Variants in CYYR1 observed in about 807,000 individuals in gnomAD.
CYYR1 encodes cysteine and tyrosine-rich protein 1.
In CYYR1, 14 loss-of-function variants were observed where a neutral mutation model predicts 15.2. That is an observed-to-expected ratio of 0.92 (90% CI 0.61 to 1.44). The LOEUF (loss-of-function observed/expected upper bound fraction) is 1.44, where lower values mean the gene tolerates loss of function less well. Among genes scored for constraint, CYYR1 ranks in the 40% most tolerant of loss-of-function variants. The pLI, the probability that CYYR1 is intolerant of heterozygous loss-of-function variation, is 0.00. For synonymous variants in CYYR1, 80 were observed against 77.4 expected (o/e 1.03, Z -0.18); for missense variants, 228 against 209.5 (o/e 1.09, Z -0.54).
intron 3 of CYYR1, among the ~76,000 whole-genome samples, chr21:26,477,416 T>C (rs1017397339): frequency 1.3e-5 from 2 of 152,180 alleles, no homozygotes; most frequent in Admixed American, 1.3e-4. Flanking sequence ...ATTATGTTTC[T>C]TCCATTATTC....
At chr21:26,500,367 A>G (rs941128997) in intron 2 of CYYR1, among the ~76,000 whole-genome samples, 1 of 152,122 alleles carries the variant, frequency 6.6e-6, no homozygotes, top group African/African-American at 2.4e-5. Context: ...GTCAGCCTGG[A>G]GCTCTTCTAG....
chr21:26,503,235 C>G (rs948335331), intron 2 of CYYR1, among the ~76,000 whole-genome samples: 4 of 152,118 alleles, frequency 2.6e-5, no homozygotes, highest in Admixed American at 6.5e-5. Flanking sequence ...GGAACCTGTT[C>G]CTGAGTGCGG....
chr21:26,499,891 A>G (rs1002222308), intron 2 of CYYR1, among the ~76,000 whole-genome samples: 1 of 150,724 alleles, frequency 6.6e-6, no homozygotes, highest in Non-Finnish European at 1.5e-5. Context: ...AGAGAACTGG[A>G]AAGGGCTTGA....
intron 2 of CYYR1, among the ~76,000 whole-genome samples, chr21:26,533,904 C>G (rs956623524): frequency 6.6e-5 from 10 of 152,128 alleles, no homozygotes; most frequent in African/African-American, 2.4e-4. Context: ...GACCTACAAG[C>G]TTTTGTTAGG....
chr21:26,518,060 T>C (rs937949178), intron 2 of CYYR1, among the ~76,000 whole-genome samples: 6 of 152,228 alleles, frequency 3.9e-5, no homozygotes, highest in Admixed American at 1.3e-4. Flanking sequence ...CACAGCCATG[T>C]TGAACAGGTT....
At chr21:26,491,418 T>C (rs2065326077) in intron 2 of CYYR1, among the ~76,000 whole-genome samples, 1 of 152,178 alleles carries the variant, frequency 6.6e-6, no homozygotes. Flanking sequence ...AAAGTCCATT[T>C]GTTGAGATTT....
chr21:26,485,288 A>G (rs2065235444), intron 2 of CYYR1, among the ~76,000 whole-genome samples: 1 of 152,100 alleles, frequency 6.6e-6, no homozygotes, highest in Non-Finnish European at 1.5e-5. Context: ...AGATGGTTAC[A>G]TCTTAAGTAA....
chr21:26,526,643 T>G (rs912515174), intron 2 of CYYR1, among the ~76,000 whole-genome samples: 1 of 152,166 alleles, frequency 6.6e-6, no homozygotes, highest in Non-Finnish European at 1.5e-5. Flanking sequence ...ATGAATGAAT[T>G]CTAATGCCGA....
chr21:26,567,284 G>C (rs222970), intron 1 of CYYR1, among the ~76,000 whole-genome samples: 8 of 152,134 alleles, frequency 5.3e-5, no homozygotes, highest in African/African-American at 1.4e-4. Flanking sequence ...GAAATCCCCA[G>C]AGACAATTAT....
chr21:26,556,092 G>A (rs902539793), intron 2 of CYYR1, among the ~76,000 whole-genome samples: 6 of 152,136 alleles, frequency 3.9e-5, no homozygotes, highest in Non-Finnish European at 5.9e-5. Flanking sequence ...TAAACAGTGT[G>A]ATTAGAAAGT....
At chr21:26,501,279 G>A (rs535544554) in intron 2 of CYYR1, among the ~76,000 whole-genome samples, 180 of 152,336 alleles carry the variant, frequency 1.2e-3, no homozygotes, top group Admixed American at 3.6e-3. Flanking sequence ...GGAGGTTGCA[G>A]TGAGCCGAGA....
At chr21:26,547,401 C>T (rs1979047008) in intron 2 of CYYR1, among the ~76,000 whole-genome samples, 2 of 152,166 alleles carry the variant, frequency 1.3e-5, no homozygotes, top group African/African-American at 4.8e-5. Context: ...CACACCTGGA[C>T]AGACTTGTCA....
intron 2 of CYYR1, among the ~76,000 whole-genome samples, chr21:26,537,047 C>G (rs1297298429): frequency 6.6e-6 from 1 of 152,136 alleles, no homozygotes; most frequent in Non-Finnish European, 1.5e-5. Flanking sequence ...GGTAAGGAAT[C>G]TTATCTGGTG....
chr21:26,542,382 A>G (rs142052585), intron 2 of CYYR1, among the ~76,000 whole-genome samples: 3,197 of 152,072 alleles, frequency 0.021, 52 homozygotes, highest in Middle Eastern at 0.031. Context: ...AAATTTATCA[A>G]TATATTTCAC....
At position 26,480,297 on chromosome 21, in the gene CYYR1, G is replaced by C. The variant is rs370166004; in HGVS notation, c.309C>G (p.His103Gln). The C allele has an allele frequency of 2.5e-6, 4 of 1,612,704 alleles. No homozygotes were observed. Among genetic ancestry groups the C allele is most frequent in the Non-Finnish European group, 3.4e-6 (4 of 1,179,440 alleles). Residue 103 changes from histidine to glutamine, a missense_variant, in exon 3 of 4, where the codon CAC becomes CAG. By Grantham distance (24) the His-to-Gln change is conservative (BLOSUM62 0). Transcript: ENST00000652641. ...CAGGATAGGAGGAGACGGTGTTGATGTGAGTCGTCCTGAGGATGCCCACGC... is the reference window on the plus strand; with the variant it reads ...CAGGATAGGAGGAGACGGTGTTGATCTGAGTCGTCCTGAGGATGCCCACGC... ...ATRVGILRTT[H>Q]INTVSSYPAG...
rs906719884 is a variant in CYYR1 at position 26,483,070 on chromosome 21, C to G, written c.177-2641G>C. Among the ~76,000 whole-genome samples, 7 of 152,020 alleles carry G rather than the reference C, an allele frequency of 4.6e-5. No homozygotes were observed. The East Asian group carries it at 1.4e-3, about 29-fold the overall frequency. On this transcript the variant is annotated intron_variant, in intron 2 of 3. Coordinates refer to ENST00000652641, the MANE Select transcript of CYYR1 (RefSeq NM_001320768.2). ...AACTTTCTGGATCGATTCTCTAACT[C>G]TTTTTTAAAATCCTTTTTAAAAAAC...
chr21:26,560,066 A>G (rs73351185), intron 2 of CYYR1, among the ~76,000 whole-genome samples: 12,294 of 152,168 alleles, frequency 0.081, 1,688 homozygotes, highest in African/African-American at 0.28. Context: ...TCTTTACAAT[A>G]CCTGCATCCA....
At chr21:26,508,495 G>A (rs2065600077) in intron 2 of CYYR1, among the ~76,000 whole-genome samples, 1 of 152,178 alleles carries the variant, frequency 6.6e-6, no homozygotes, top group African/African-American at 2.4e-5. Flanking sequence ...TGCGGTTTCT[G>A]ACTTAAGCTA....
chr21:26,562,973 G>A (rs576367177), intron 2 of CYYR1, among the ~76,000 whole-genome samples: 13 of 152,028 alleles, frequency 8.6e-5, no homozygotes, highest in Non-Finnish European at 1.6e-4. Flanking sequence ...TTGGATCCCA[G>A]GACCTAGGCC....
Sources: gnomAD v4.1 joint callset for allele counts (sites outside exome capture counted in the v4.1 genomes callset) on GRCh38, gnomAD v4.1.1 for gene constraint, MANE v1.5 for transcripts, NCBI Gene and HGNC (gene_info 2026-07-23, HGNC 2026-07-21) for gene names.